Variants in CCNB2 observed in about 807,000 individuals in gnomAD.
The protein encoded by CCNB2 is cyclin B2.
In CCNB2, 39 loss-of-function variants were observed where a neutral mutation model predicts 51.1. That is an observed-to-expected ratio of 0.76 (90% confidence interval 0.59 to 1.00). The LOEUF is 1.00. Among genes scored for constraint, CCNB2 ranks in the 50% least tolerant of loss-of-function variants. The pLI is 0.00. For synonymous variants in CCNB2, 174 were observed against 165.5 expected (o/e 1.05, Z -0.40); for missense variants, 472 against 470.3 (o/e 1.00, Z -0.03).
At chr15:59,105,323 C>T in intron 1 of CCNB2, 31 bp downstream of exon 1, 1 of 1,545,956 alleles carries the variant, frequency 6.5e-7, no homozygotes. Context: ...CTCTCAGAGG[C>T]GAGTCCGTCG....
chr15:59,125,020 T>G lies in CCNB2; in HGVS notation c.*143T>G, dbSNP rs1395142244. On this transcript the variant is annotated 3_prime_UTR_variant, in exon 9 of 9. Coordinates refer to ENST00000288207, the MANE Select transcript of CCNB2 (RefSeq NM_004701.4). ...TTTCTAAACATATATTGAGGAAAAA[T>G]AAAGCGATTGGTTTTTCTTAAGGTA... is the stretch of plus-strand genomic sequence containing the variant. 4.0e-6 allele frequency: 2 copies of G among 494,762 alleles called. No homozygotes were observed. The highest frequency in any genetic ancestry group is 7.1e-6 in the Non-Finnish European group (2 of 280,294). The allele number at this position is 494,762 out of a possible 1,614,324, so 30.6% of individuals were successfully genotyped here.
Position 59,114,591 on chromosome 15 carries a change from T to C in CCNB2, c.415T>C (p.Tyr139His). Reference protein sequence around the residue: ...QLCSDYVKDIYQYLRQLEVLQ... With the variant: ...QLCSDYVKDIHQYLRQLEVLQ... The stretch of plus-strand genomic sequence containing the variant: ...CTGCAGTGACTACGTTAAGGATATC[T>C]ATCAGTATCTCAGGCAGCTGGAGGT... Residue 139 changes from tyrosine (Y) to histidine (H), a missense_variant, in exon 4 of 9, where the codon TAT becomes CAT. Transcript: ENST00000288207. 1 of 1,598,776 alleles carries C rather than the reference T, an allele frequency of 6.3e-7. No individual in the cohort carries two copies. Among genetic ancestry groups the C allele is most frequent in the Non-Finnish European group, 8.5e-7 (1 of 1,170,450 alleles).
chr15:59,122,518 C>T (rs370773681), intron 7 of CCNB2, among the ~76,000 whole-genome samples: 151 of 150,636 alleles, frequency 1.0e-3, no homozygotes, highest in African/African-American at 3.6e-3. Flanking sequence ...AGCCACTGCG[C>T]CTGGCCTTTT....
intron 7 of CCNB2, among the ~76,000 whole-genome samples, chr15:59,119,105 CTT>C (rs1185999064): frequency 9.9e-5 from 15 of 152,034 alleles, no homozygotes; most frequent in Non-Finnish European, 2.9e-5. Context: ...CTTTTATTGA[CTT>C]TATAATACAG....
At chr15:59,119,747 A>G (rs1163636937) in intron 7 of CCNB2, among the ~76,000 whole-genome samples, 1 of 152,156 alleles carries the variant, frequency 6.6e-6, no homozygotes, top group African/African-American at 2.4e-5. Flanking sequence ...TTGCTTTGTC[A>G]TCCAGGCTGG....
intron 3 of CCNB2, among the ~76,000 whole-genome samples, chr15:59,109,164 T>C (rs954257638): frequency 7.9e-4 from 120 of 152,210 alleles, no homozygotes; most frequent in African/African-American, 2.5e-3. Flanking sequence ...GATTCTCCTG[T>C]CTCAGCCTCC....
At chr15:59,110,700 G>T (rs957456805) in intron 3 of CCNB2, among the ~76,000 whole-genome samples, 3 of 152,204 alleles carry the variant, frequency 2.0e-5, no homozygotes, top group Non-Finnish European at 4.4e-5. Flanking sequence ...TGGAGGGCAG[G>T]TTTCTTTCTC....
In CCNB2 at chr15:59,116,880, GA is replaced by G; in HGVS notation, c.789del (p.Leu265CysfsTer6). The G allele has an allele frequency of 6.2e-7, 1 of 1,614,132 alleles. No individual in the cohort carries two copies. The highest frequency in any genetic ancestry group is 1.1e-5 in the South Asian group (1 of 91,072). On this transcript the variant is annotated frameshift_variant, in exon 6 of 9. Transcript: ENST00000288207. LOFTEE classifies it high-confidence loss of function. ...AAAGAATTGAAATTTGAGTTGGGTC[GA>G]CCCTTGCCACTACACTTCTTAAGGC... ...ILKELKFELG[R>X]PLPLHFLRRA...
intron 3 of CCNB2, among the ~76,000 whole-genome samples, chr15:59,113,673 T>C (rs892524289): frequency 2.1e-4 from 32 of 152,110 alleles, no homozygotes; most frequent in African/African-American, 7.0e-4. Flanking sequence ...ATGAGACATA[T>C]GGGTAGGGTA....
chr15:59,105,587 C>G (rs2079232521), intron 1 of CCNB2, among the ~76,000 whole-genome samples: 1 of 152,212 alleles, frequency 6.6e-6, no homozygotes, highest in African/African-American at 2.4e-5. Context: ...AGGCCTAGTA[C>G]TCAGCGAGCG....
rs553479325 is a variant in CCNB2 at position 59,124,375 on chromosome 15, C to G, written c.1087-392C>G. On this transcript the variant is annotated intron_variant, in intron 8 of 8. Coordinates refer to ENST00000288207, the MANE Select transcript of CCNB2 (RefSeq NM_004701.4). ...CTGGGATTTGTTAAGCACTAGTTGC[C>G]ACCCTCTTTTATTGTCTTTTATTGT... is the stretch of plus-strand genomic sequence containing the variant. 25 of 219,888 alleles carry G rather than the reference C, an allele frequency of 1.1e-4. 1 individual carries two copies. The South Asian group carries it at 1.5e-3, about 13-fold the overall frequency. 13.6% of individuals were successfully genotyped at this position (219,888 alleles called of 1,614,324 possible). A position where few individuals can be genotyped will look rare whatever the true frequency, so the allele number is the denominator to read the frequency against.
intron 7 of CCNB2, among the ~76,000 whole-genome samples, 196 bp from the exon 8 acceptor site, chr15:59,123,321 G>T (rs2079311267): frequency 6.6e-6 from 1 of 152,208 alleles, no homozygotes; most frequent in South Asian, 2.1e-4. Context: ...GAATCATCTT[G>T]CATTTACCAG....
intron 3 of CCNB2, among the ~76,000 whole-genome samples, chr15:59,108,186 A>C (rs946806648): frequency 6.6e-6 from 1 of 152,200 alleles, no homozygotes; most frequent in African/African-American, 2.4e-5. Flanking sequence ...CAAGGTACCA[A>C]AGCGGATATG....
intron 3 of CCNB2, 65 bp downstream of exon 3, chr15:59,107,735 G>T: frequency 8.0e-7 from 1 of 1,253,622 alleles, no homozygotes; most frequent in Non-Finnish European, 1.2e-6. Context: ...GACTACAAGG[G>T]TGCCTTTATC....
chr15:59,114,688 A>G (rs1240906577), intron 4 of CCNB2, 30 bp from the exon 5 acceptor site: 1 of 1,592,954 alleles, frequency 6.3e-7, no homozygotes, highest in Non-Finnish European at 8.6e-7. Flanking sequence ...AAACAAGGTC[A>G]GCTTTTTAAA....
chr15:59,116,645 C>A, intron 5 of CCNB2, 45 bp from the exon 6 acceptor site: 1 of 1,351,340 alleles, frequency 7.4e-7, no homozygotes. Flanking sequence ...TAAAGCTTCA[C>A]TCTTCTTGTT....
Position 59,116,926 on chromosome 15 carries a change from G to A in CCNB2, c.834G>A (p.Glu278=), listed in dbSNP as rs772453266. The A allele has an allele frequency of 7.5e-6, 12 of 1,609,794 alleles. No homozygotes were observed. The highest frequency in any genetic ancestry group is 1.1e-5 in the South Asian group (1 of 90,986). ...TAAGGCGAGCATCAAAAGCCGGGGA[G>A]GTAAGTGCCTCCAGCTCTGTAAGAG... The part of the protein sequence containing the change: ...HFLRRASKAG[E]VDVEQHTLAK... The change falls in exon 6 of 9, where the codon GAG becomes GAA. Residue 278 remains glutamate, a splice_region_variant and synonymous_variant. Transcript: ENST00000288207.
intron 7 of CCNB2, among the ~76,000 whole-genome samples, chr15:59,119,510 G>T (rs1013847757): frequency 1.3e-4 from 19 of 150,534 alleles, no homozygotes; most frequent in Admixed American, 2.0e-4. Context: ...CATTCTGACT[G>T]TGCATCCTTA....
At chr15:59,117,790 A>G (rs1364404852) in intron 7 of CCNB2, among the ~76,000 whole-genome samples, 3 of 152,142 alleles carry the variant, frequency 2.0e-5, no homozygotes, top group Non-Finnish European at 4.4e-5. Flanking sequence ...TTTAAAGTCC[A>G]AAGTCCTAAA....
Sources: gnomAD v4.1 joint callset for allele counts (sites outside exome capture counted in the v4.1 genomes callset) on GRCh38, gnomAD v4.1.1 for gene constraint, MANE v1.5 for transcripts, NCBI Gene and HGNC (gene_info 2026-07-23, HGNC 2026-07-21) for gene names.